RIMS2: variants seen among roughly 807,000 people sequenced by gnomAD.
The protein encoded by RIMS2 is regulating synaptic membrane exocytosis protein 2.
RIMS2 carries 59 observed loss-of-function variants against 174.4 expected under a neutral mutation model. That is an observed-to-expected ratio of 0.34 (90% CI 0.27 to 0.42). The LOEUF is 0.42. Among genes scored for constraint, RIMS2 ranks in the 10% least tolerant of loss-of-function variants. RIMS2 has a pLI of 1.00. For missense variants in RIMS2, 1,620 were observed against 1,666.3 expected (o/e 0.97, Z 0.48); for synonymous variants, 606 against 572.5 (o/e 1.06, Z -0.84).
chr8:103,951,952 C>T (rs1047087433), intron 14 of RIMS2, among the ~76,000 whole-genome samples: 1 of 152,282 alleles, frequency 6.6e-6, no homozygotes, highest in Non-Finnish European at 1.5e-5. Context: ...CTTGAGTAGG[C>T]GGTTTCGACC....
At chr8:103,728,032 G>A (rs2097544983) in intron 2 of RIMS2, among the ~76,000 whole-genome samples, 2 of 151,900 alleles carry the variant, frequency 1.3e-5, no homozygotes, top group Admixed American at 1.3e-4. Context: ...TGGTTAGTAT[G>A]GACACTTTAA....
At chr8:103,790,006 C>T (rs906685743) in intron 3 of RIMS2, among the ~76,000 whole-genome samples, 1 of 152,170 alleles carries the variant, frequency 6.6e-6, no homozygotes, top group African/African-American at 2.4e-5. Context: ...AAGTGATCCT[C>T]CTGCCTTGGC....
intron 19 of RIMS2, among the ~76,000 whole-genome samples, chr8:104,161,903 G>A (rs2098764342): frequency 6.6e-6 from 1 of 152,200 alleles, no homozygotes; most frequent in Non-Finnish European, 1.5e-5. Context: ...TCATCTTCAA[G>A]CTAACAAAGA....
chr8:104,057,545 T>A (rs1181317615), intron 19 of RIMS2, among the ~76,000 whole-genome samples: 1 of 152,018 alleles, frequency 6.6e-6, no homozygotes, highest in African/African-American at 2.4e-5. Context: ...AGTTTAGATA[T>A]CAGTTTCTTC....
At chr8:104,203,762 C>T (rs934451162) in intron 19 of RIMS2, among the ~76,000 whole-genome samples, 12 of 152,066 alleles carry the variant, frequency 7.9e-5, no homozygotes, top group African/African-American at 2.9e-4. Flanking sequence ...CCTTGGCCTC[C>T]CAAAGTGCTG....
At chr8:104,029,505 T>C (rs1196812449) in intron 19 of RIMS2, among the ~76,000 whole-genome samples, 6 of 152,194 alleles carry the variant, frequency 3.9e-5, no homozygotes, top group African/African-American at 1.4e-4. Flanking sequence ...TTGATAGCTT[T>C]GATCTAGTTC....
intron 3 of RIMS2, among the ~76,000 whole-genome samples, chr8:103,829,527 A>G (rs893584573): frequency 6.6e-6 from 1 of 152,370 alleles, no homozygotes; most frequent in South Asian, 2.1e-4. Context: ...ATATACAGCC[A>G]TAGAAAGTAT....
intron 2 of RIMS2, among the ~76,000 whole-genome samples, chr8:103,746,874 G>T (rs1390622629): frequency 1.3e-5 from 2 of 151,870 alleles, no homozygotes; most frequent in African/African-American, 2.4e-5. Flanking sequence ...TAGAGACAGG[G>T]TTTCATCATA....
At chr8:103,603,922 C>T (rs1426537393) in intron 1 of RIMS2, among the ~76,000 whole-genome samples, 25 of 145,860 alleles carry the variant, frequency 1.7e-4, no homozygotes, top group Middle Eastern at 3.6e-3. Context: ...GAGTAGGTTG[C>T]GAAAATTTTC....
rs146078686 is a variant in RIMS2, at chr8:103,573,470, A to G, written c.176+72408A>G. On this transcript the variant is annotated intron_variant, in intron 1 of 23. Coordinates refer to ENST00000504942, the Ensembl canonical transcript of RIMS2. ...CAGTTTGTTTATTACTATTTATTGAATAGGGTATACTTTCTCCATTGTTTA... is the reference window on the plus strand; with the variant it reads ...CAGTTTGTTTATTACTATTTATTGAGTAGGGTATACTTTCTCCATTGTTTA... Among the ~76,000 whole-genome samples the G allele has an allele frequency of 6.1e-3, 934 of 152,264 alleles. 12 individuals carry two copies. The highest frequency in any genetic ancestry group is 0.021 in the African/African-American group (884 of 41,552).
chr8:104,251,595 C>T lies in RIMS2; in HGVS notation c.3832-7C>T. The T allele has an allele frequency of 6.6e-7, 1 of 1,525,962 alleles. No homozygotes were observed. Among genetic ancestry groups the T allele is most frequent in the African/African-American group, 1.4e-5 (1 of 73,046 alleles). 94.5% of individuals were successfully genotyped at this position (1,525,962 alleles called of 1,614,324 possible). On this transcript the variant is annotated splice_region_variant and splice_polypyrimidine_tract_variant and intron_variant, in intron 23 of 23. Coordinates refer to ENST00000504942, the Ensembl canonical transcript of RIMS2. ...TGACATCACTCTACTTTTTATTTTGCCAACAGATCATCGTCTGGGGAGATT... is the reference window on the plus strand; with the variant it reads ...TGACATCACTCTACTTTTTATTTTGTCAACAGATCATCGTCTGGGGAGATT...
chr8:104,213,087 G>A (rs966398375), intron 19 of RIMS2, among the ~76,000 whole-genome samples: 2 of 151,992 alleles, frequency 1.3e-5, no homozygotes, highest in East Asian at 1.9e-4. Context: ...TTTGGGAGAC[G>A]GATCACCTGA....
intron 1 of RIMS2, among the ~76,000 whole-genome samples, chr8:103,583,333 T>C (rs1169309084): frequency 1.3e-5 from 2 of 152,188 alleles, no homozygotes; most frequent in African/African-American, 4.8e-5. Flanking sequence ...TAAGCCTAGA[T>C]AGTGTATACT....
intron 1 of RIMS2, among the ~76,000 whole-genome samples, chr8:103,552,196 A>T (rs1007412674): frequency 1.3e-5 from 2 of 152,220 alleles, no homozygotes; most frequent in African/African-American, 4.8e-5. Flanking sequence ...ACCTGACTTC[A>T]AACTATACTA....
At chr8:103,978,217 G>A (rs1382981175) in intron 16 of RIMS2, among the ~76,000 whole-genome samples, 1 of 152,134 alleles carries the variant, frequency 6.6e-6, no homozygotes, top group Non-Finnish European at 1.5e-5. Context: ...AAGAACATTT[G>A]AACAGTCCAA....
chr8:103,558,509 C>A (rs2090948658), intron 1 of RIMS2, among the ~76,000 whole-genome samples: 1 of 152,208 alleles, frequency 6.6e-6, no homozygotes, highest in Non-Finnish European at 1.5e-5. Flanking sequence ...TAGGCATGAG[C>A]CACCGTGCCT....
chr8:103,819,366 T>G, intron 3 of RIMS2: 1 of 1,537,000 alleles, frequency 6.5e-7, no homozygotes, highest in African/African-American at 1.4e-5. Context: ...CAACCTCTGT[T>G]CATTTAAGCA....
chr8:103,690,704 T>C (rs1266350558), intron 1 of RIMS2, among the ~76,000 whole-genome samples: 1 of 152,204 alleles, frequency 6.6e-6, no homozygotes, highest in Admixed American at 6.5e-5. Context: ...TGCATTCATC[T>C]TTTAATCTTT....
At chr8:103,691,318 G>A (rs749086870) in intron 1 of RIMS2, among the ~76,000 whole-genome samples, 25 of 152,078 alleles carry the variant, frequency 1.6e-4, no homozygotes, top group Non-Finnish European at 3.2e-4. Context: ...ATAACTCTTA[G>A]ATTTGCCATT....
Sources: allele counts gnomAD v4.1 joint callset (sites outside exome capture counted in the v4.1 genomes callset), GRCh38; gene constraint gnomAD v4.1.1; transcripts MANE v1.5; gene names NCBI Gene and HGNC (gene_info 2026-07-23, HGNC 2026-07-21).